Variants in NTRK2 observed in about 807,000 individuals in gnomAD.
The protein encoded by NTRK2 is BDNF/NT-3 growth factors receptor.
In NTRK2, 13 loss-of-function variants were observed where a neutral mutation model predicts 94.5. The observed-to-expected ratio is 0.14, with a 90% confidence interval of 0.09 to 0.22. The LOEUF (loss-of-function observed/expected upper bound fraction) is 0.22, where lower values mean the gene tolerates loss of function less well. NTRK2 is among the 10% of genes least tolerant of loss of function. NTRK2 has a pLI of 1.00. For missense variants in NTRK2, 639 were observed against 1,071.2 expected, an observed-to-expected ratio of 0.60 and a Z score of 5.63; for synonymous variants, 372 against 407.4, an observed-to-expected ratio of 0.91 and a Z score of 1.05.
chr9:84,829,474 A>G lies in NTRK2; in HGVS notation c.1397-31566A>G, dbSNP rs535534732. Among the ~76,000 whole-genome samples, 25 of 152,316 alleles carry G rather than the reference A, an allele frequency of 1.6e-4. No homozygotes were observed. In the Middle Eastern group the frequency reaches 0.01, roughly 62 times the overall value. ...CTAGATTTGGTTTCTGCCCTAATGA[A>G]TGCTACACAACAGCTTAGAATGGCT... On this transcript the variant is annotated intron_variant, in intron 12 of 18. Coordinates refer to ENST00000277120, the MANE Select transcript of NTRK2 (RefSeq NM_006180.6).
At chr9:85,012,499 A>G (rs191981213) in intron 17 of NTRK2, among the ~76,000 whole-genome samples, 1 of 152,236 alleles carries the variant, frequency 6.6e-6, no homozygotes, top group East Asian at 1.9e-4. Flanking sequence ...TTTTCTTTTT[A>G]AAATATCATG....
rs1826268547 is a variant in NTRK2, at chr9:84,972,200, G to T, written c.2172+16683G>T. Among the ~76,000 whole-genome samples, 3 of 152,274 alleles carry T rather than the reference G, an allele frequency of 2.0e-5. No homozygotes were observed. In the South Asian group the frequency reaches 6.2e-4, roughly 32 times the overall value. On this transcript the variant is annotated intron_variant, in intron 17 of 18. Coordinates refer to ENST00000277120, the MANE Select transcript of NTRK2 (RefSeq NM_006180.6). ...AGCTACCTTCTGCTACATAGATGAGGATAGAGGTTCTAGAGGCCAGAACTG... is the reference window on the plus strand; with the variant it reads ...AGCTACCTTCTGCTACATAGATGAGTATAGAGGTTCTAGAGGCCAGAACTG...
intron 14 of NTRK2, among the ~76,000 whole-genome samples, chr9:84,878,907 A>G (rs2076171129): frequency 6.6e-6 from 1 of 152,112 alleles, no homozygotes; most frequent in Non-Finnish European, 1.5e-5. Context: ...GTCTTCGGAT[A>G]CTTCCTGAGT....
intron 9 of NTRK2, 144 bp downstream of exon 9, chr9:84,728,103 G>A: frequency 1.3e-6 from 1 of 779,708 alleles, no homozygotes; most frequent in Admixed American, 2.0e-5. Context: ...CCATAGGTCA[G>A]CGGAGTGGTT....
chr9:84,737,167 A>G (rs546732518), intron 9 of NTRK2, among the ~76,000 whole-genome samples: 2 of 152,324 alleles, frequency 1.3e-5, no homozygotes, highest in South Asian at 4.1e-4. Flanking sequence ...AGTTTAAAGG[A>G]AGGAAACAGA....
At chr9:84,715,924 C>G (rs2131899193) in intron 6 of NTRK2, among the ~76,000 whole-genome samples, 1 of 152,146 alleles carries the variant, frequency 6.6e-6, no homozygotes, top group East Asian at 1.9e-4. Flanking sequence ...AAAATACTAT[C>G]ATTATTATTT....
At chr9:84,980,152 TGC>T (rs1338824188) in intron 17 of NTRK2, among the ~76,000 whole-genome samples, 1 of 152,242 alleles carries the variant, frequency 6.6e-6, no homozygotes, top group African/African-American at 2.4e-5. Context: ...TGTGTGTGTG[TGC>T]CTAGTCTTTT....
chr9:84,893,078 A>G (rs1200601101), intron 14 of NTRK2, among the ~76,000 whole-genome samples: 1 of 151,688 alleles, frequency 6.6e-6, no homozygotes, highest in East Asian at 1.9e-4. Flanking sequence ...GTACTATTCT[A>G]TGAGCTTGGT....
Position 84,744,853 on chromosome 9 carries a change from G to A in NTRK2, c.1196-120G>A, listed in dbSNP as rs57332605. The A allele has an allele frequency of 3.5e-3, 2,794 of 809,668 alleles. 48 individuals are homozygous for A. In the African/African-American group the frequency reaches 0.042, roughly 12 times the overall value. 50.2% of individuals were successfully genotyped at this position (809,668 alleles called of 1,614,324 possible). ...CACGTCCCTCCACAGCCAGACTGTCGGGGGTTTGGAATCTTTGTGATTTGT... is the reference window on the plus strand; with the variant it reads ...CACGTCCCTCCACAGCCAGACTGTCAGGGGTTTGGAATCTTTGTGATTTGT... On this transcript the variant is annotated intron_variant, in intron 10 of 18. Transcript: ENST00000277120.
intron 5 of NTRK2, among the ~76,000 whole-genome samples, chr9:84,709,659 AAGT>A (rs2131817098): frequency 6.6e-6 from 1 of 152,256 alleles, no homozygotes; most frequent in Non-Finnish European, 1.5e-5. Context: ...CGGAAATCTT[AAGT>A]ATTGTGGTTA....
chr9:84,728,393 A>C (rs982986221), intron 9 of NTRK2, among the ~76,000 whole-genome samples: 5 of 152,202 alleles, frequency 3.3e-5, no homozygotes. Context: ...TATCTGATAC[A>C]CACTGGATTA....
intron 12 of NTRK2, chr9:84,815,169 C>T: frequency 9.5e-7 from 1 of 1,057,362 alleles, no homozygotes; most frequent in Non-Finnish European, 1.1e-6. Flanking sequence ...GTCCCAGCCA[C>T]CTGATTTTGA....
intron 12 of NTRK2, chr9:84,814,041 C>T (rs2072105818): frequency 3.8e-6 from 4 of 1,065,122 alleles, no homozygotes; most frequent in Non-Finnish European, 4.5e-6. Context: ...AAAAACAAAT[C>T]TCAACACACA....
chr9:84,921,166 C>T (rs1326526403), intron 14 of NTRK2, among the ~76,000 whole-genome samples: 2 of 152,148 alleles, frequency 1.3e-5, no homozygotes, highest in Admixed American at 1.3e-4. Context: ...TTCACCAGGA[C>T]CCCAAAGGAC....
intron 14 of NTRK2, chr9:84,877,118 G>C: frequency 3.8e-6 from 4 of 1,064,522 alleles, no homozygotes; most frequent in Middle Eastern, 4.2e-4. Context: ...TTTCCTTCTC[G>C]GATTGTGTAT....
At chr9:85,004,090 GA>G (rs1008318848) in intron 17 of NTRK2, among the ~76,000 whole-genome samples, 6 of 140,316 alleles carry the variant, frequency 4.3e-5, no homozygotes, top group South Asian at 2.4e-4. Flanking sequence ...GAGGGAGAGA[GA>G]AAGGAAGGGA....
At chr9:84,955,676 CA>C in intron 17 of NTRK2, 159 bp downstream of exon 17, 1 of 738,540 alleles carries the variant, frequency 1.4e-6, no homozygotes, top group Non-Finnish European at 2.4e-6. Context: ...AGTCCAAGCT[CA>C]AGGTGTGAGT....
At chr9:84,960,884 G>A (rs1187920151) in intron 17 of NTRK2, among the ~76,000 whole-genome samples, 1 of 151,988 alleles carries the variant, frequency 6.6e-6, no homozygotes, top group Non-Finnish European at 1.5e-5. Context: ...CATATGAGGT[G>A]GTCAGTACAT....
intron 14 of NTRK2, chr9:84,875,041 A>G: frequency 9.4e-7 from 1 of 1,059,664 alleles, no homozygotes; most frequent in Non-Finnish European, 1.1e-6. Flanking sequence ...CAAAGATGAA[A>G]CGAAAAGTCC....
Sources: gnomAD v4.1 joint callset for allele counts (sites outside exome capture counted in the v4.1 genomes callset) on GRCh38, gnomAD v4.1.1 for gene constraint, MANE v1.5 for transcripts, NCBI Gene and HGNC (gene_info 2026-07-23, HGNC 2026-07-21) for gene names.